ARAP1: variants seen among roughly 807,000 people sequenced by gnomAD.
The protein encoded by ARAP1 is ArfGAP with RhoGAP domain, ankyrin repeat and PH domain 1, also known as arf-GAP with Rho-GAP domain, ANK repeat and PH domain-containing protein 1.
ARAP1 carries 76 observed loss-of-function variants against 172.2 expected under a neutral mutation model. The ratio of observed to expected loss-of-function variants is 0.44; its 90% CI spans 0.37 to 0.53. The LOEUF is 0.53. Ranked by LOEUF, ARAP1 falls within the 20% of genes least tolerant of loss-of-function variation. The pLI is 0.00. For missense variants in ARAP1, 1,686 were observed against 1,977.5 expected (o/e 0.85, Z 2.80); for synonymous variants, 804 against 803.3 (o/e 1.00, Z -0.01).
At chr11:72,748,414 G>A (rs2135597496) in intron 1 of ARAP1, among the ~76,000 whole-genome samples, 1 of 152,186 alleles carries the variant, frequency 6.6e-6, no homozygotes, top group African/African-American at 2.4e-5. Context: ...CAGCTACTCG[G>A]GAGGCTGAGG....
intron 31 of ARAP1, 75 bp from the exon 32 acceptor site, chr11:72,687,813 G>A: frequency 1.3e-6 from 2 of 1,549,874 alleles, no homozygotes; most frequent in South Asian, 1.1e-5. Flanking sequence ...CCAGGACAGA[G>A]CCCAGAAGCC....
rs1255497078 is a variant in ARAP1 at position 72,726,771 on chromosome 11, G to A, written c.358C>T (p.Arg120Trp). 6.5e-6 allele frequency: 10 copies of A among 1,549,222 alleles called. No individual in the cohort carries two copies. Among genetic ancestry groups the A allele is most frequent in the African/African-American group, 1.4e-5 (1 of 73,082 alleles). ...GLPAAPPIPP[R>W]RSCLPPTCFT... is the part of the protein sequence containing the mutation. ...CAGGTGGGCGGAAGGCAGCTCCTCC[G>A]GGGCGGGATGGGTGGGGCAGCGGGG... The change falls in exon 3 of 35, where the codon CGG (arginine) becomes TGG (tryptophan). Residue 120 changes from arginine (R) to tryptophan (W), a missense_variant. Physicochemically the swap from Arg to Trp is moderately radical, Grantham distance 101. This residue lies in a region of ARAP1 where 190 missense variants were observed against 228.6 expected (regional missense o/e 0.83). Transcript: ENST00000393609. This position sits in a 1 kb window ranked among gnomAD's most constrained non-coding sequence, Gnocchi z 6.5.
At chr11:72,685,960 G>A (rs1422984200) in intron 34 of ARAP1, 82 bp downstream of exon 34, 2 of 1,610,440 alleles carry the variant, frequency 1.2e-6, no homozygotes. Flanking sequence ...GGGCAATCAG[G>A]GCAATCATCT....
At position 72,693,259 on chromosome 11, in the gene ARAP1, G is replaced by C; in HGVS notation, c.3954+66C>G. On this transcript the variant is annotated intron_variant, in intron 29 of 34. Coordinates refer to ENST00000393609, the MANE Select transcript of ARAP1 (RefSeq NM_001040118.3). This position sits in a 1 kb window ranked among gnomAD's most constrained non-coding sequence, Gnocchi z 4.6. The stretch of plus-strand genomic sequence containing the variant: ...AATATTTCCACTTGCAGACCAAGGG[G>C]AATCTCTGAGCACATTCAGGTGTAC... 1 of 1,570,502 alleles carries C rather than the reference G, an allele frequency of 6.4e-7. No homozygotes were observed. The highest frequency in any genetic ancestry group is 1.2e-5 in the South Asian group (1 of 86,222).
At chr11:72,731,212 GAA>G (rs1224662525) in intron 2 of ARAP1, among the ~76,000 whole-genome samples, 1 of 152,210 alleles carries the variant, frequency 6.6e-6, no homozygotes, top group Non-Finnish European at 1.5e-5. Flanking sequence ...CATGGGACCT[GAA>G]GCTTACACAA....
chr11:72,702,740 G>A (rs569501275), intron 15 of ARAP1, among the ~76,000 whole-genome samples, 165 bp downstream of exon 15: 112 of 152,280 alleles, frequency 7.4e-4, no homozygotes, highest in South Asian at 1.7e-3. Flanking sequence ...ACATGCATAC[G>A]TAGTACAAAT....
chr11:72,722,974 T>C (rs1857574694), intron 3 of ARAP1, among the ~76,000 whole-genome samples: 1 of 152,078 alleles, frequency 6.6e-6, no homozygotes, highest in Admixed American at 6.5e-5. Flanking sequence ...TTTCTCAGCA[T>C]CTCTGGGCTC....
Position 72,695,217 on chromosome 11 carries a change from G to C in ARAP1, c.3577-120C>G. The C allele has an allele frequency of 1.5e-6, 2 of 1,339,496 alleles. No homozygotes were observed. The highest frequency in any genetic ancestry group is 1.4e-5 in the African/African-American group (1 of 69,446). 83.0% of individuals were successfully genotyped at this position (1,339,496 alleles called of 1,614,324 possible). Reference sequence around the variant, plus strand: ...CAGGCCCTTCTGGAGTCCTGGGATAGAGAGGGGTATTTCTGAGTGGTCCTT... The same window carrying C: ...CAGGCCCTTCTGGAGTCCTGGGATACAGAGGGGTATTTCTGAGTGGTCCTT... On this transcript the variant is annotated intron_variant, in intron 26 of 34. Transcript: ENST00000393609. This position sits in a 1 kb window ranked among gnomAD's most constrained non-coding sequence, Gnocchi z 4.4.
chr11:72,704,627 C>T (rs1856672938), intron 13 of ARAP1: 1 of 359,282 alleles, frequency 2.8e-6, no homozygotes, highest in Non-Finnish European at 5.1e-6. Context: ...TGCTGCTGCC[C>T]CACCCAGTTC....
At chr11:72,709,999 T>G (rs1856938422) in intron 10 of ARAP1, 23 bp from the exon 11 acceptor site, 2 of 1,599,218 alleles carry the variant, frequency 1.3e-6, no homozygotes, top group East Asian at 4.5e-5. Flanking sequence ...TGGGACGGGA[T>G]GAGGGCAAGG....
intron 1 of ARAP1, among the ~76,000 whole-genome samples, chr11:72,740,670 G>A (rs1858167258): frequency 6.6e-6 from 1 of 152,012 alleles, no homozygotes; most frequent in Non-Finnish European, 1.5e-5. Flanking sequence ...CCCCCTCCCT[G>A]CCCCCGACTT....
chr11:72,737,724 G>A (rs970396074), intron 1 of ARAP1, among the ~76,000 whole-genome samples: 1 of 151,950 alleles, frequency 6.6e-6, no homozygotes, highest in African/African-American at 2.4e-5. Flanking sequence ...CTGGGCTCAA[G>A]TGATCCTCCT....
At chr11:72,708,531 A>G in intron 11 of ARAP1, 1 of 173,496 alleles carries the variant, frequency 5.8e-6, no homozygotes, top group South Asian at 1.4e-4. Flanking sequence ...CAGGGCAAGG[A>G]TGTCATCAAA....
chr11:72,730,082 C>G (rs1857815945), intron 2 of ARAP1, among the ~76,000 whole-genome samples: 1 of 152,132 alleles, frequency 6.6e-6, no homozygotes, highest in African/African-American at 2.4e-5. Flanking sequence ...AGCTAAACAA[C>G]AAACTAGGGG....
In ARAP1 at chr11:72,695,516, C is replaced by T. The variant is rs556952780; in HGVS notation, c.3507+26G>A. On this transcript the variant is annotated intron_variant, in intron 25 of 34. Coordinates refer to ENST00000393609, the MANE Select transcript of ARAP1 (RefSeq NM_001040118.3). This position sits in a 1 kb window ranked among gnomAD's most constrained non-coding sequence, Gnocchi z 4.4. ...AATGGGTGCAGGTGGCAGGTCCAAG[C>T]CCCCCACCCAGGCTCCAGCCTTCAC... is the stretch of plus-strand genomic sequence containing the variant. 1.1e-5 allele frequency: 17 copies of T among 1,613,888 alleles called. No individual in the cohort carries two copies. Among genetic ancestry groups the T allele is most frequent in the South Asian group, 6.6e-5 (6 of 90,948 alleles).
At chr11:72,686,484 G>A (rs1302767688) in intron 33 of ARAP1, among the ~76,000 whole-genome samples, 1 of 152,144 alleles carries the variant, frequency 6.6e-6, no homozygotes, top group Admixed American at 6.5e-5. Flanking sequence ...TAGGAATCGG[G>A]AACTACAAAA....
At chr11:72,748,684 G>A (rs1420089387) in intron 1 of ARAP1, among the ~76,000 whole-genome samples, 2 of 152,166 alleles carry the variant, frequency 1.3e-5, no homozygotes, top group African/African-American at 4.8e-5. Context: ...ACATTCCACA[G>A]GAAGACCATG....
At chr11:72,697,216 G>C (rs1386122980) in intron 21 of ARAP1, 21 bp from the exon 22 acceptor site, 1 of 1,593,070 alleles carries the variant, frequency 6.3e-7, no homozygotes, top group East Asian at 2.2e-5. Context: ...GCGGGGCCAA[G>C]CGTTCGGGGC....
chr11:72,722,115 C>A, intron 3 of ARAP1: 1 of 985,098 alleles, frequency 1.0e-6, no homozygotes, highest in Non-Finnish European at 1.2e-6. Flanking sequence ...GTGTTTGTTT[C>A]TGTGTATAAC....
Sources: allele counts gnomAD v4.1 joint callset (sites outside exome capture counted in the v4.1 genomes callset), GRCh38; gene constraint gnomAD v4.1.1; regional missense constraint gnomAD v4.1.1; non-coding constraint Gnocchi (gnomAD v3.1); transcripts MANE v1.5; gene names NCBI Gene and HGNC (gene_info 2026-07-23, HGNC 2026-07-21).